ICA1: variants seen among roughly 807,000 people sequenced by gnomAD.
ICA1 encodes the protein islet cell autoantigen 1.
ICA1 carries 40 observed loss-of-function variants against 71.0 expected under a neutral mutation model. The ratio of observed to expected loss-of-function variants is 0.56; its 90% CI spans 0.44 to 0.73. The LOEUF (loss-of-function observed/expected upper bound fraction) is 0.73, where lower values mean the gene tolerates loss of function less well. ICA1 is among the 30% of genes least tolerant of loss of function. The probability of loss-of-function intolerance (pLI) is 0.00; values close to 1 mark genes in which losing one functional copy is unlikely to be tolerated. For synonymous variants in ICA1, 207 were observed against 209.5 expected, an observed-to-expected ratio of 0.99 and a Z score of 0.10; for missense variants, 578 against 576.5, an observed-to-expected ratio of 1.00 and a Z score of -0.03.
intron 6 of ICA1, among the ~76,000 whole-genome samples, chr7:8,216,595 T>A (rs55809777): frequency 0.33 from 41,648 of 127,666 alleles, 8,896 homozygotes; most frequent in African/African-American, 0.65. Flanking sequence ...AAAAAAAAAA[T>A]TCCACATAAA....
intron 6 of ICA1, among the ~76,000 whole-genome samples, chr7:8,205,156 C>G (rs1371345390): frequency 2.0e-5 from 3 of 151,588 alleles, no homozygotes; most frequent in African/African-American, 7.3e-5. Flanking sequence ...AGACGGAGGC[C>G]TGGATCATAA....
chr7:8,149,940 T>A (rs1194373860), intron 8 of ICA1, among the ~76,000 whole-genome samples: 2 of 152,204 alleles, frequency 1.3e-5, no homozygotes, highest in Non-Finnish European at 2.9e-5. Context: ...ATTTAGCACA[T>A]ACGTACTCTC....
chr7:8,197,320 C>T (rs987019603), intron 6 of ICA1, among the ~76,000 whole-genome samples: 11 of 151,370 alleles, frequency 7.3e-5, no homozygotes, highest in South Asian at 2.1e-4. Context: ...TTTGGGAGGC[C>T]GAAGCGGGCG....
At chr7:8,205,177 A>G (rs1273075940) in intron 6 of ICA1, among the ~76,000 whole-genome samples, 2 of 152,052 alleles carry the variant, frequency 1.3e-5, no homozygotes, top group Admixed American at 1.3e-4. Flanking sequence ...GTACCAATAA[A>G]AGCTTTAGCT....
chr7:8,123,881 C>A lies in ICA1; in HGVS notation c.1330+3992G>T, dbSNP rs925749585. On this transcript the variant is annotated intron_variant, in intron 13 of 13. Coordinates refer to ENST00000402384, the MANE Select transcript of ICA1 (RefSeq NM_001136020.3). This position sits in a 1 kb window ranked among gnomAD's most constrained non-coding sequence, Gnocchi z 4.1. ...AGTCCGGCTGCCTGGGCTCAAAATCCGGCCTGCCCGTTAACAGGAGTGTGA... is the reference window on the plus strand; with the variant it reads ...AGTCCGGCTGCCTGGGCTCAAAATCAGGCCTGCCCGTTAACAGGAGTGTGA... Among the ~76,000 whole-genome samples, 2 of 152,178 alleles carry A rather than the reference C, an allele frequency of 1.3e-5. No homozygotes were observed. Among genetic ancestry groups the A allele is most frequent in the East Asian group, 3.9e-4 (2 of 5,184 alleles).
intron 6 of ICA1, among the ~76,000 whole-genome samples, chr7:8,170,321 C>T (rs1419700993): frequency 6.6e-6 from 1 of 151,918 alleles, no homozygotes; most frequent in East Asian, 1.9e-4. Flanking sequence ...TTTGCCCATT[C>T]CAGGTACATC....
At chr7:8,197,081 A>G (rs1787866347) in intron 6 of ICA1, among the ~76,000 whole-genome samples, 1 of 151,942 alleles carries the variant, frequency 6.6e-6, no homozygotes, top group Non-Finnish European at 1.5e-5. Flanking sequence ...ATATATTAAT[A>G]TATATAATTT....
At chr7:8,256,350 T>C (rs563049802) in intron 1 of ICA1, among the ~76,000 whole-genome samples, 1 of 152,124 alleles carries the variant, frequency 6.6e-6, no homozygotes, top group African/African-American at 2.4e-5. Flanking sequence ...CCCCTTTACA[T>C]CCTGGCTCCC....
At chr7:8,221,070 A>G (rs1796895307) in intron 5 of ICA1, among the ~76,000 whole-genome samples, 1 of 152,080 alleles carries the variant, frequency 6.6e-6, no homozygotes, top group African/African-American at 2.4e-5. Context: ...AATTTTTTTT[A>G]ATTAATAGGG....
intron 13 of ICA1, among the ~76,000 whole-genome samples, chr7:8,126,815 T>C (rs920770448): frequency 6.6e-6 from 1 of 152,126 alleles, no homozygotes; most frequent in African/African-American, 2.4e-5. Flanking sequence ...TAAAAAATGG[T>C]TTCCTTTCAG....
intron 12 of ICA1, among the ~76,000 whole-genome samples, chr7:8,138,482 A>G (rs1215638943): frequency 6.6e-6 from 1 of 152,212 alleles, no homozygotes; most frequent in African/African-American, 2.4e-5. Flanking sequence ...AGGCTTAGAG[A>G]GTTTAAGTAT....
chr7:8,236,099 T>C (rs1801764571), intron 1 of ICA1, 94 bp from the exon 2 acceptor site: 3 of 656,688 alleles, frequency 4.6e-6, no homozygotes. Context: ...AAGCCATTTC[T>C]AGCTGTATTT....
intron 1 of ICA1, among the ~76,000 whole-genome samples, chr7:8,248,720 C>G (rs1199765285): frequency 6.6e-6 from 1 of 152,138 alleles, no homozygotes; most frequent in Admixed American, 6.6e-5. Context: ...CCACCACTCC[C>G]TCAACCTCTC....
intron 8 of ICA1, among the ~76,000 whole-genome samples, chr7:8,145,979 T>C (rs1003393851): frequency 1.8e-4 from 28 of 152,150 alleles, no homozygotes; most frequent in African/African-American, 6.5e-4. Flanking sequence ...ATATGTCCCC[T>C]GACTGGAGTT....
At chr7:8,238,928 T>C (rs746892389) in intron 1 of ICA1, among the ~76,000 whole-genome samples, 21 of 152,236 alleles carry the variant, frequency 1.4e-4, no homozygotes, top group Admixed American at 2.6e-4. Flanking sequence ...TCTGGGAATC[T>C]AGTTTTATAA....
intron 10 of ICA1, among the ~76,000 whole-genome samples, chr7:8,139,987 T>C (rs1192484007): frequency 2.0e-5 from 3 of 152,334 alleles, no homozygotes; most frequent in East Asian, 1.9e-4. Context: ...TAAAACAAGA[T>C]GATCGACATT....
At chr7:8,212,029 C>T (rs1793964611) in intron 6 of ICA1, among the ~76,000 whole-genome samples, 2 of 152,092 alleles carry the variant, frequency 1.3e-5, no homozygotes, top group South Asian at 2.1e-4. Context: ...AAAATATTAC[C>T]CATTTGTAAA....
intron 6 of ICA1, among the ~76,000 whole-genome samples, chr7:8,215,529 A>C (rs1261683154): frequency 1.3e-5 from 2 of 152,180 alleles, no homozygotes; most frequent in Non-Finnish European, 2.9e-5. Flanking sequence ...TCCACAGATG[A>C]CTGCACAAGA....
chr7:8,210,233 G>C (rs1459514724), intron 6 of ICA1, among the ~76,000 whole-genome samples: 1 of 152,198 alleles, frequency 6.6e-6, no homozygotes, highest in Non-Finnish European at 1.5e-5. Flanking sequence ...TTTGGAAGTA[G>C]AATTATTAGA....
Sources: allele counts gnomAD v4.1 joint callset (sites outside exome capture counted in the v4.1 genomes callset), GRCh38; gene constraint gnomAD v4.1.1; non-coding constraint Gnocchi (gnomAD v3.1); transcripts MANE v1.5; gene names NCBI Gene and HGNC (gene_info 2026-07-23, HGNC 2026-07-21).